The following STRN3 variants were observed in gnomAD, a reference collection of about 807,000 sequenced individuals.
STRN3 encodes the protein striatin-3.
A neutral mutation model predicts 95.6 loss-of-function variants in STRN3; 29 were observed. The ratio of observed to expected loss-of-function variants is 0.30; its 90% CI spans 0.23 to 0.41. STRN3 has a LOEUF of 0.41. Ranked by LOEUF, STRN3 falls within the 10% of genes least tolerant of loss-of-function variation. The pLI, the probability that STRN3 is intolerant of heterozygous loss-of-function variation, is 1.00. For missense variants in STRN3, 890 were observed against 972.1 expected (o/e 0.92, Z 1.12); for synonymous variants, 331 against 357.6 (o/e 0.93, Z 0.84).
chr14:30,902,720 C>A, intron 15 of STRN3, 77 bp from the exon 16 acceptor site: 1 of 927,260 alleles, frequency 1.1e-6, no homozygotes, highest in Non-Finnish European at 1.6e-6. Flanking sequence ...TTTAATCGTG[C>A]TAAAATATAA....
intron 10 of STRN3, 121 bp from the exon 11 acceptor site, chr14:30,912,303 C>A: frequency 3.4e-6 from 3 of 881,362 alleles, no homozygotes; most frequent in South Asian, 2.8e-5. Context: ...GCTAAAATGT[C>A]CAGTGGAAAT....
At chr14:30,928,789 C>T (rs1878322532) in intron 8 of STRN3, among the ~76,000 whole-genome samples, 2 of 152,130 alleles carry the variant, frequency 1.3e-5, no homozygotes, top group Middle Eastern at 3.2e-3. Context: ...CTTTCCTATT[C>T]ACTGTAGGTA....
chr14:30,936,829 C>T (rs2139077805), intron 5 of STRN3, among the ~76,000 whole-genome samples: 1 of 152,252 alleles, frequency 6.6e-6, no homozygotes, highest in East Asian at 1.9e-4. Context: ...TGACTTTCTC[C>T]AAAGTTCATT....
chr14:30,936,043 T>A (rs2139074992), intron 6 of STRN3, among the ~76,000 whole-genome samples: 1 of 152,330 alleles, frequency 6.6e-6, no homozygotes, highest in East Asian at 1.9e-4. Context: ...TTTCTTAGGT[T>A]ATGAGCAAAA....
chr14:30,909,291 G>T (rs549197660), intron 13 of STRN3, among the ~76,000 whole-genome samples: 1 of 152,142 alleles, frequency 6.6e-6, no homozygotes, highest in African/African-American at 2.4e-5. Context: ...GATCACTTGA[G>T]CCCAGGAGTT....
intron 9 of STRN3, among the ~76,000 whole-genome samples, chr14:30,916,529 C>T (rs1896744782): frequency 6.6e-6 from 1 of 152,088 alleles, no homozygotes; most frequent in African/African-American, 2.4e-5. Context: ...CCAGTCTCGG[C>T]CTCCCAAAGT....
intron 7 of STRN3, among the ~76,000 whole-genome samples, chr14:30,930,664 C>A (rs762393079): frequency 6.6e-6 from 1 of 152,112 alleles, no homozygotes; most frequent in African/African-American, 2.4e-5. Context: ...TCTGTCAAAT[C>A]CACAAATTAT....
At chr14:31,025,656 G>T in intron 1 of STRN3, 1 of 586,166 alleles carries the variant, frequency 1.7e-6, no homozygotes, top group South Asian at 2.1e-5. Flanking sequence ...CATACTAAAA[G>T]CCAAAATGGC....
chr14:30,911,271 G>T, intron 12 of STRN3, 109 bp from the exon 13 acceptor site: 7 of 1,076,548 alleles, frequency 6.5e-6, no homozygotes, highest in Non-Finnish European at 7.7e-6. Context: ...ACTGTTTTAA[G>T]AGAACATGTA....
chr14:30,945,339 C>T (rs61129484), intron 5 of STRN3, among the ~76,000 whole-genome samples: 13,716 of 152,144 alleles, frequency 0.09, 902 homozygotes, highest in South Asian at 0.29. Context: ...CAATGAAGGC[C>T]GGGTGTGATG....
intron 1 of STRN3, among the ~76,000 whole-genome samples, chr14:30,971,546 A>T (rs1880827229): frequency 6.6e-6 from 1 of 152,214 alleles, no homozygotes; most frequent in East Asian, 1.9e-4. Flanking sequence ...TAGCTGAACA[A>T]TTAGGGGCAA....
At position 30,895,086 on chromosome 14, in the gene STRN3, GAA is replaced by G. The variant is rs1896104208; in HGVS notation, c.*323_*324del. Reference sequence around the variant, plus strand: ...AAAAAAAAAAAAAAAAAAAGAAGAAGAAGAAGAGAAAAAAAAAAACTTTTTTG... The same window carrying G: ...AAAAAAAAAAAAAAAAAAAGAAGAAGGAAGAGAAAAAAAAAAACTTTTTTG... On this transcript the variant is annotated 3_prime_UTR_variant, in exon 18 of 18. Transcript: ENST00000357479. 12 of 116,192 alleles carry G rather than the reference GAA, an allele frequency of 1.0e-4. No homozygotes were observed. Among genetic ancestry groups the G allele is most frequent in the African/African-American group, 5.9e-4 (12 of 20,414 alleles). 7.2% of individuals were successfully genotyped at this position (116,192 alleles called of 1,614,324 possible). A position where few individuals can be genotyped will look rare whatever the true frequency, so the allele number is the denominator to read the frequency against.
chr14:30,939,096 T>TA (rs1368904444), intron 5 of STRN3, among the ~76,000 whole-genome samples: 4 of 152,140 alleles, frequency 2.6e-5, no homozygotes, highest in Non-Finnish European at 5.9e-5. Flanking sequence ...GGCAAGGAGG[T>TA]AATCAGGTAG....
At chr14:30,907,087 T>TTTTTG (rs746255613) in intron 13 of STRN3, 43 bp from the exon 14 acceptor site, 192 of 1,588,256 alleles carry the variant, frequency 1.2e-4, no homozygotes, top group Non-Finnish European at 1.5e-4. Flanking sequence ...TAAAAGAAGT[T>TTTTTG]TAAAAGAAAC....
At chr14:30,905,219 C>T (rs77404196) in intron 15 of STRN3, among the ~76,000 whole-genome samples, 199 bp downstream of exon 15, 2,838 of 152,166 alleles carry the variant, frequency 0.019, 90 homozygotes, top group African/African-American at 0.064. Context: ...CCTCTTTTCC[C>T]ATATGTCCAC....
At chr14:30,988,728 A>T (rs745566985) in intron 1 of STRN3, among the ~76,000 whole-genome samples, 1 of 152,154 alleles carries the variant, frequency 6.6e-6, no homozygotes, top group Non-Finnish European at 1.5e-5. Context: ...CCATTCTACC[A>T]TTATCCTACA....
At chr14:30,931,043 G>T (rs1335141928) in intron 7 of STRN3, among the ~76,000 whole-genome samples, 1 of 152,064 alleles carries the variant, frequency 6.6e-6, no homozygotes, top group Non-Finnish European at 1.5e-5. Flanking sequence ...ATAAAACTGT[G>T]AATAGCTCTA....
At chr14:30,960,355 G>C (rs542613133) in intron 1 of STRN3, among the ~76,000 whole-genome samples, 1 of 152,062 alleles carries the variant, frequency 6.6e-6, no homozygotes, top group Non-Finnish European at 1.5e-5. Context: ...TGAGGTGATA[G>C]AATTTGCTCT....
chr14:30,950,988 T>G (rs772842064), intron 3 of STRN3, 44 bp from the exon 4 acceptor site: 1 of 1,534,188 alleles, frequency 6.5e-7, no homozygotes, highest in Non-Finnish European at 8.9e-7. Flanking sequence ...TTATTTCGAC[T>G]CCTGAAAATA....
Sources: gnomAD v4.1 joint callset for allele counts (sites outside exome capture counted in the v4.1 genomes callset) on GRCh38, gnomAD v4.1.1 for gene constraint, MANE v1.5 for transcripts, NCBI Gene and HGNC (gene_info 2026-07-23, HGNC 2026-07-21) for gene names.